FAM174A: variants seen among roughly 807,000 people sequenced by gnomAD.
FAM174A encodes membrane protein FAM174A.
A neutral mutation model predicts 14.3 loss-of-function variants in FAM174A; 14 were observed. The ratio of observed to expected loss-of-function variants is 0.98; its 90% CI spans 0.65 to 1.53. The LOEUF is 1.53. Ranked by LOEUF, FAM174A falls within the 40% of genes most tolerant of loss-of-function variation. FAM174A has a pLI of 0.00. For missense variants in FAM174A, 241 were observed against 249.6 expected (o/e 0.97, Z 0.23); for synonymous variants, 108 against 111.4 (o/e 0.97, Z 0.19).
At chr5:100,545,559 A>T (rs1746149200) in intron 1 of FAM174A, among the ~76,000 whole-genome samples, 1 of 152,154 alleles carries the variant, frequency 6.6e-6, no homozygotes, top group Non-Finnish European at 1.5e-5. Context: ...TAAAAGGGGT[A>T]ATATATACTA....
In FAM174A at chr5:100,546,533, T is replaced by C. The variant is rs1018924963; in HGVS notation, c.434+10569T>C. 9.2e-5 allele frequency among the ~76,000 whole-genome samples: 14 copies of C among 152,218 alleles called. 1 individual carries two copies. Among genetic ancestry groups the C allele is most frequent in the Non-Finnish European group, 7.3e-5 (5 of 68,032 alleles). Reference sequence around the variant, plus strand: ...CTCTACTTTTGCCATCTCTTCTACATTATTCAGTGAGTTCTTGAAGTAATT... The same window carrying C: ...CTCTACTTTTGCCATCTCTTCTACACTATTCAGTGAGTTCTTGAAGTAATT... On this transcript the variant is annotated intron_variant, in intron 1 of 2. Transcript: ENST00000312637.
chr5:100,579,855 A>T (rs538160153), intron 2 of FAM174A, among the ~76,000 whole-genome samples: 7 of 152,284 alleles, frequency 4.6e-5, no homozygotes, highest in Non-Finnish European at 7.4e-5. Context: ...AGTTTCTCAA[A>T]ACAGAAACTA....
In FAM174A at chr5:100,581,064, G is replaced by A. The variant is rs192243045; in HGVS notation, c.570-5117G>A. Among the ~76,000 whole-genome samples, 4 of 152,220 alleles carry A rather than the reference G, an allele frequency of 2.6e-5. No individual in the cohort carries two copies. In the East Asian group the frequency reaches 7.7e-4, roughly 29 times the overall value. On this transcript the variant is annotated intron_variant, in intron 2 of 2. Transcript: ENST00000312637. ...CTGCTTCAGCCTCCCAAGTAGCTGG[G>A]ATTACAGGTGCCTGCCACCATGCCA... is the stretch of plus-strand genomic sequence containing the variant.
At chr5:100,565,611 C>T (rs533635387) in intron 2 of FAM174A, among the ~76,000 whole-genome samples, 2 of 151,804 alleles carry the variant, frequency 1.3e-5, no homozygotes, top group African/African-American at 4.8e-5. Flanking sequence ...AATATAATTA[C>T]CTTATGATTT....
At chr5:100,560,129 G>A (rs1746493422) in intron 1 of FAM174A, among the ~76,000 whole-genome samples, 2 of 152,086 alleles carry the variant, frequency 1.3e-5, no homozygotes, top group Admixed American at 6.6e-5. Flanking sequence ...GGGTTTTGGT[G>A]TGGATGTCCT....
At chr5:100,585,239 T>G (rs1156265346) in intron 2 of FAM174A, among the ~76,000 whole-genome samples, 1 of 152,194 alleles carries the variant, frequency 6.6e-6, no homozygotes, top group East Asian at 1.9e-4. Flanking sequence ...TATATTTACT[T>G]ACATATCTCT....
At chr5:100,562,268 C>G in intron 2 of FAM174A, 80 bp downstream of exon 2, 2 of 1,273,220 alleles carry the variant, frequency 1.6e-6, no homozygotes, top group South Asian at 1.4e-5. Context: ...AGTAGACTTT[C>G]ATTTAACAGC....
chr5:100,586,245 T>A lies in FAM174A; in HGVS notation c.*61T>A. 2.4e-6 allele frequency: 3 copies of A among 1,256,686 alleles called. No individual in the cohort carries two copies. Among genetic ancestry groups the A allele is most frequent in the Non-Finnish European group, 3.4e-6 (3 of 893,950 alleles). The allele number at this position is 1,256,686 out of a possible 1,614,324, so 77.8% of individuals were successfully genotyped here. On this transcript the variant is annotated 3_prime_UTR_variant, in exon 3 of 3. Coordinates refer to ENST00000312637, the MANE Select transcript of FAM174A (RefSeq NM_198507.3). ...ACAATGAAGAGTGGAATTTCTATGT[T>A]TAAGGAATAAGAAGCCACTATATCA...
rs114455713 is a variant in FAM174A at position 100,568,830 on chromosome 5, T to C, written c.569+6642T>C. On this transcript the variant is annotated intron_variant, in intron 2 of 2. Transcript: ENST00000312637. ...ATACTGTGTTCATAAATAATTTGGC[T>C]TAGTTCTTTCCCACACTCCTCTTCA... 6.2e-3 allele frequency among the ~76,000 whole-genome samples: 950 copies of C among 152,084 alleles called. 5 individuals are homozygous for C. Among genetic ancestry groups the C allele is most frequent in the African/African-American group, 0.022 (899 of 41,540 alleles).
intron 2 of FAM174A, among the ~76,000 whole-genome samples, chr5:100,580,140 A>G (rs1746982487): frequency 1.3e-5 from 2 of 152,230 alleles, no homozygotes; most frequent in Non-Finnish European, 2.9e-5. Flanking sequence ...ACAACAATGC[A>G]AAGAGCTTTG....
chr5:100,583,631 A>G (rs925415301), intron 2 of FAM174A, among the ~76,000 whole-genome samples: 8 of 148,932 alleles, frequency 5.4e-5, no homozygotes, highest in African/African-American at 2.0e-4. Flanking sequence ...GACATCTTTT[A>G]TTACCGATTT....
chr5:100,538,034 A>T (rs1033857925), intron 1 of FAM174A, among the ~76,000 whole-genome samples: 2 of 152,172 alleles, frequency 1.3e-5, no homozygotes, highest in African/African-American at 4.8e-5. Flanking sequence ...TAACAGCCAA[A>T]TTCTGAACTA....
intron 1 of FAM174A, among the ~76,000 whole-genome samples, chr5:100,555,775 G>T (rs996782750): frequency 6.6e-6 from 1 of 151,666 alleles, no homozygotes; most frequent in African/African-American, 2.4e-5. Context: ...TTTTGATGGG[G>T]TTGTTTTTTT....
intron 1 of FAM174A, among the ~76,000 whole-genome samples, chr5:100,549,792 C>G (rs2112372105): frequency 6.6e-6 from 1 of 151,902 alleles, no homozygotes; most frequent in East Asian, 1.9e-4. Flanking sequence ...TGAAAAAATG[C>G]TAAAGGAATT....
intron 2 of FAM174A, among the ~76,000 whole-genome samples, chr5:100,580,549 C>T (rs1267626778): frequency 6.6e-6 from 1 of 152,188 alleles, no homozygotes; most frequent in Non-Finnish European, 1.5e-5. Flanking sequence ...AGGCCAGTCT[C>T]TCACATTTTT....
chr5:100,557,268 G>A (rs1481576178), intron 1 of FAM174A, among the ~76,000 whole-genome samples: 2 of 152,104 alleles, frequency 1.3e-5, no homozygotes, highest in Non-Finnish European at 2.9e-5. Context: ...AACCAGCCTT[G>A]CATCGCAGGG....
intron 1 of FAM174A, among the ~76,000 whole-genome samples, chr5:100,551,786 CT>C (rs1746268192): frequency 1.3e-5 from 2 of 152,190 alleles, no homozygotes; most frequent in African/African-American, 2.4e-5. Context: ...CTCTCTTGAT[CT>C]TTTTAATGAT....
intron 1 of FAM174A, among the ~76,000 whole-genome samples, chr5:100,539,422 G>T (rs189653732): frequency 5.3e-5 from 8 of 152,212 alleles, no homozygotes; most frequent in African/African-American, 1.9e-4. Flanking sequence ...TAATTTGAAT[G>T]CTTACCCAAC....
intron 1 of FAM174A, among the ~76,000 whole-genome samples, chr5:100,546,710 A>G (rs1746170890): frequency 1.3e-5 from 2 of 152,190 alleles, no homozygotes; most frequent in Non-Finnish European, 1.5e-5. Context: ...TATAAGTTAT[A>G]TGCACTATAC....
Sources: gnomAD v4.1 joint callset for allele counts (sites outside exome capture counted in the v4.1 genomes callset) on GRCh38, gnomAD v4.1.1 for gene constraint, MANE v1.5 for transcripts, NCBI Gene and HGNC (gene_info 2026-07-23, HGNC 2026-07-21) for gene names.